E2F7: variants seen among roughly 807,000 people sequenced by gnomAD.
E2F7 encodes the protein E2F transcription factor 7, also known as transcription factor E2F7.
A neutral mutation model predicts 81.1 loss-of-function variants in E2F7; 35 were observed. The observed-to-expected ratio is 0.43, with a 90% CI of 0.33 to 0.57. The LOEUF (loss-of-function observed/expected upper bound fraction) is 0.57, where lower values mean the gene tolerates loss of function less well. Among genes scored for constraint, E2F7 ranks in the 20% least tolerant of loss-of-function variants. The probability of loss-of-function intolerance (pLI) is 0.04; values close to 1 mark genes in which losing one functional copy is unlikely to be tolerated. For synonymous variants in E2F7, 416 were observed against 416.2 expected (o/e 1.00, Z 0.01); for missense variants, 961 against 1,093.7 (o/e 0.88, Z 1.71).
rs1028730932 is a variant in E2F7 at position 77,030,463 on chromosome 12, T to A, written c.1383-131A>T. 1.3e-5 allele frequency: 15 copies of A among 1,156,404 alleles called. No homozygotes were observed. In the African/African-American group the frequency reaches 2.3e-4, roughly 18 times the overall value. 71.6% of individuals were successfully genotyped at this position (1,156,404 alleles called of 1,614,324 possible). On this transcript the variant is annotated intron_variant, in intron 9 of 12. Coordinates refer to ENST00000322886, the MANE Select transcript of E2F7 (RefSeq NM_203394.3). ...CAGGCAGATACGAAAGCGCACTTGCTGAGCACGTGTTAGCTCATCCCAGAG... is the reference window on the plus strand; with the variant it reads ...CAGGCAGATACGAAAGCGCACTTGCAGAGCACGTGTTAGCTCATCCCAGAG...
rs1178472388 is a variant in E2F7 at position 77,021,369 on chromosome 12, T to C, written c.*2646A>G. On this transcript the variant is annotated 3_prime_UTR_variant, in exon 13 of 13. Transcript: ENST00000322886. ...TAGTACAGTTACAAGTAAATAGCTA[T>C]AGATAATATAGCCATTAGGAAAAAG... 1.3e-5 allele frequency: 2 copies of C among 152,534 alleles called. No homozygotes were observed. Among genetic ancestry groups the C allele is most frequent in the East Asian group, 1.9e-4 (1 of 5,196 alleles). 9.4% of individuals were successfully genotyped at this position (152,534 alleles called of 1,614,324 possible). A position where few individuals can be genotyped will look rare whatever the true frequency, so the allele number is the denominator to read the frequency against.
intron 7 of E2F7, among the ~76,000 whole-genome samples, chr12:77,034,917 C>G (rs1954836232): frequency 6.6e-6 from 1 of 152,140 alleles, no homozygotes; most frequent in South Asian, 2.1e-4. Flanking sequence ...TTTCTTACAA[C>G]AAAAGCCCAA....
rs544144618 is a variant in E2F7, at chr12:77,037,001, G to A, written c.1124-2959C>T. Among the ~76,000 whole-genome samples the A allele has an allele frequency of 2.3e-4, 35 of 152,084 alleles. No individual in the cohort carries two copies. The South Asian group carries it at 7.3e-3, about 32-fold the overall frequency. The stretch of plus-strand genomic sequence containing the variant: ...CCTGACCTCGTGATCCACCCGCCTC[G>A]GCCTCCCAAAGTGCTGGGATTACAG... On this transcript the variant is annotated intron_variant, in intron 7 of 12. Transcript: ENST00000322886.
At chr12:77,024,219 G>A (rs1401635649) in intron 12 of E2F7, 34 bp from the exon 13 acceptor site, 1 of 1,598,790 alleles carries the variant, frequency 6.3e-7, no homozygotes, top group Non-Finnish European at 8.5e-7. Flanking sequence ...CAGAAGTGAA[G>A]TCATATTGTT....
At position 77,036,439 on chromosome 12, in the gene E2F7, T is replaced by C. The variant is rs1312430599; in HGVS notation, c.1124-2397A>G. On this transcript the variant is annotated intron_variant, in intron 7 of 12. Coordinates refer to ENST00000322886, the MANE Select transcript of E2F7 (RefSeq NM_203394.3). ...CTTTGGGAGGCTGAGGTGGGATGATTGCCTGAGCCCAGGAGTTTGAGATTG... is the reference window on the plus strand; with the variant it reads ...CTTTGGGAGGCTGAGGTGGGATGATCGCCTGAGCCCAGGAGTTTGAGATTG... Among the ~76,000 whole-genome samples, 3 of 152,012 alleles carry C rather than the reference T, an allele frequency of 2.0e-5. No homozygotes were observed. In the East Asian group the frequency reaches 5.8e-4, roughly 29 times the overall value.
At chr12:77,043,022 A>G in intron 7 of E2F7, 43 bp downstream of exon 7, 3 of 1,613,364 alleles carry the variant, frequency 1.9e-6, no homozygotes, top group Non-Finnish European at 2.5e-6. Context: ...GGAACTGAGA[A>G]TTCTAAATAA....
chr12:77,058,458 T>C (rs1352068851), intron 2 of E2F7, among the ~76,000 whole-genome samples: 1 of 152,154 alleles, frequency 6.6e-6, no homozygotes, highest in African/African-American at 2.4e-5. Flanking sequence ...AATGAGCCTG[T>C]GTCCTGGGCA....
At chr12:77,045,844 G>T in intron 5 of E2F7, 194 bp downstream of exon 5, 1 of 656,356 alleles carries the variant, frequency 1.5e-6, no homozygotes, top group Non-Finnish European at 2.5e-6. Context: ...CCATGAGCCA[G>T]GTTTATTTCA....
intron 1 of E2F7, among the ~76,000 whole-genome samples, 163 bp downstream of exon 1, chr12:77,065,182 A>G (rs549447656): frequency 1.3e-5 from 2 of 152,234 alleles, no homozygotes; most frequent in African/African-American, 4.8e-5. Context: ...CCGGAGTGAG[A>G]GCTGCACCCG....
intron 10 of E2F7, 117 bp from the exon 11 acceptor site, chr12:77,028,255 C>T (rs1331567619): frequency 7.8e-5 from 104 of 1,325,588 alleles, no homozygotes; most frequent in South Asian, 1.5e-4. Context: ...TGCAGTGGCA[C>T]GATCCCAGCT....
intron 2 of E2F7, among the ~76,000 whole-genome samples, chr12:77,058,763 C>A (rs1592567956): frequency 6.6e-6 from 1 of 152,300 alleles, no homozygotes; most frequent in East Asian, 1.9e-4. Flanking sequence ...TAGCTATTAT[C>A]TTTTCCCTCT....
chr12:77,036,264 C>T (rs1053391839), intron 7 of E2F7, among the ~76,000 whole-genome samples: 1 of 152,154 alleles, frequency 6.6e-6, no homozygotes, highest in Non-Finnish European at 1.5e-5. Context: ...TAGAGAGAAA[C>T]TTAAAAGCAA....
intron 2 of E2F7, among the ~76,000 whole-genome samples, chr12:77,062,095 G>C (rs1243109511): frequency 1.3e-5 from 2 of 152,116 alleles, no homozygotes; most frequent in Non-Finnish European, 2.9e-5. Flanking sequence ...TGGTAACTGA[G>C]GGCAGGGTGG....
intron 7 of E2F7, among the ~76,000 whole-genome samples, chr12:77,039,694 A>G (rs1386310480): frequency 2.0e-5 from 3 of 152,206 alleles, no homozygotes; most frequent in African/African-American, 7.2e-5. Context: ...TAGAACTCTC[A>G]TATACTGTTG....
chr12:77,031,923 C>T (rs943377009), intron 9 of E2F7, among the ~76,000 whole-genome samples: 3 of 152,170 alleles, frequency 2.0e-5, no homozygotes, highest in African/African-American at 7.2e-5. Flanking sequence ...ATATCACCCA[C>T]CATCCCTCCA....
chr12:77,033,252 A>G (rs1954820602), intron 8 of E2F7, 130 bp from the exon 9 acceptor site: 1 of 825,552 alleles, frequency 1.2e-6, no homozygotes, highest in African/African-American at 1.7e-5. Flanking sequence ...TATGGTTTTG[A>G]TTCAAAGAGA....
At chr12:77,053,354 T>C (rs1362860764) in intron 3 of E2F7, among the ~76,000 whole-genome samples, 1 of 152,232 alleles carries the variant, frequency 6.6e-6, no homozygotes. Context: ...CTTTAGTTTC[T>C]GGATTAATAG....
At chr12:77,050,446 A>C in intron 4 of E2F7, 130 bp downstream of exon 4, 1 of 880,436 alleles carries the variant, frequency 1.1e-6, no homozygotes, top group Non-Finnish European at 1.7e-6. Flanking sequence ...ATGACAAAGG[A>C]AGCTCTGCCT....
At chr12:77,042,913 TA>T in intron 7 of E2F7, 151 bp downstream of exon 7, 1 of 1,205,712 alleles carries the variant, frequency 8.3e-7, no homozygotes, top group Non-Finnish European at 1.2e-6. Context: ...ATTTGTAGGC[TA>T]ATGTTAACTG....
Sources: allele counts gnomAD v4.1 joint callset (sites outside exome capture counted in the v4.1 genomes callset), GRCh38; gene constraint gnomAD v4.1.1; transcripts MANE v1.5; gene names NCBI Gene and HGNC (gene_info 2026-07-23, HGNC 2026-07-21).